The following ZNF341 variants were observed in gnomAD, a reference collection of about 807,000 sequenced individuals.
ZNF341 encodes the protein zinc finger protein 341.
Under a neutral mutation model 87.7 loss-of-function variants are expected in ZNF341, and 52 were observed. That is an observed-to-expected ratio of 0.59 (90% confidence interval 0.47 to 0.75). The LOEUF is 0.75. Ranked by LOEUF, ZNF341 falls within the 30% of genes least tolerant of loss-of-function variation. ZNF341 has a pLI of 0.00. For synonymous variants in ZNF341, 459 were observed against 472.7 expected, an observed-to-expected ratio of 0.97 and a Z score of 0.38; for missense variants, 977 against 1,145.9, an observed-to-expected ratio of 0.85 and a Z score of 2.13.
intron 4 of ZNF341, 23 bp from the exon 5 acceptor site, chr20:33,753,149 C>T (rs749122767): frequency 1.2e-6 from 2 of 1,611,844 alleles, no homozygotes; most frequent in East Asian, 2.2e-5. Context: ...GAGGCTATAA[C>T]ACTTTTTCTT....
chr20:33,738,152 A>G (rs1168950869), intron 1 of ZNF341, among the ~76,000 whole-genome samples: 1 of 148,596 alleles, frequency 6.7e-6, no homozygotes, highest in African/African-American at 2.5e-5. Flanking sequence ...AAAAAAAAAA[A>G]AGTTGGCCAG....
Position 33,732,757 on chromosome 20 carries a change from A to G in ZNF341, c.31+705A>G, listed in dbSNP as rs1213674667. ...GCCGACAGACTGTTCCGTGCTCTGC[A>G]AGAACCTGGGATGGGGTTGGTGCTC... On this transcript the variant is annotated intron_variant, in intron 1 of 14. Coordinates refer to ENST00000375200, the MANE Select transcript of ZNF341 (RefSeq NM_001282933.2). The surrounding 1 kb of genome is among the most constrained non-coding windows in gnomAD (Gnocchi z 4.5). Among the ~76,000 whole-genome samples the G allele has an allele frequency of 6.6e-6, 1 of 152,192 alleles. No individual in the cohort carries two copies. The highest frequency in any genetic ancestry group is 2.4e-5 in the African/African-American group (1 of 41,452).
At position 33,791,586 on chromosome 20, in the gene ZNF341, G is replaced by A; in HGVS notation, c.*69G>A. On this transcript the variant is annotated 3_prime_UTR_variant, in exon 15 of 15. Transcript: ENST00000375200. Reference sequence around the variant, plus strand: ...TTTGGGTCCAGGGCCCCTGGGGGCAGACCGGTGATCCTTACCAGTGGAAGC... The same window carrying A: ...TTTGGGTCCAGGGCCCCTGGGGGCAAACCGGTGATCCTTACCAGTGGAAGC... 2.1e-6 allele frequency: 3 copies of A among 1,444,686 alleles called. No individual in the cohort carries two copies. The highest frequency in any genetic ancestry group is 2.7e-6 in the Non-Finnish European group (3 of 1,097,138). The allele number at this position is 1,444,686 out of a possible 1,614,324, so 89.5% of individuals were successfully genotyped here.
At chr20:33,772,820 G>C (rs2019558098) in intron 10 of ZNF341, among the ~76,000 whole-genome samples, 1 of 152,194 alleles carries the variant, frequency 6.6e-6, no homozygotes, top group Admixed American at 6.5e-5. Context: ...GAAATCACAA[G>C]AGCTCTGAGA....
intron 10 of ZNF341, among the ~76,000 whole-genome samples, chr20:33,774,669 A>G (rs138072820): frequency 1.1e-3 from 166 of 152,274 alleles, no homozygotes; most frequent in African/African-American, 3.8e-3. Context: ...AAACTTTTTC[A>G]CTTAAAACAG....
At chr20:33,747,715 T>C (rs2018963106) in intron 3 of ZNF341, among the ~76,000 whole-genome samples, 1 of 98,928 alleles carries the variant, frequency 1.0e-5, no homozygotes, top group Non-Finnish European at 1.8e-5. Flanking sequence ...TCTCTTACCT[T>C]TTTTTTTTTT....
In ZNF341 at chr20:33,732,272, C is replaced by T. The variant is rs1264589218; in HGVS notation, c.31+220C>T. The stretch of plus-strand genomic sequence containing the variant: ...GAACAGCCGGGGAGAGCCAGGCCGG[C>T]GGGGAGGGGGCTCGGGTCCGGAACA... On this transcript the variant is annotated intron_variant, in intron 1 of 14. Transcript: ENST00000375200. The surrounding 1 kb of genome is among the most constrained non-coding windows in gnomAD (Gnocchi z 4.5). Among the ~76,000 whole-genome samples, 1 of 149,600 alleles carries T rather than the reference C, an allele frequency of 6.7e-6. No individual in the cohort carries two copies. The highest frequency in any genetic ancestry group is 1.5e-5 in the Non-Finnish European group (1 of 67,210).
chr20:33,754,121 G>A (rs986875828), intron 5 of ZNF341, among the ~76,000 whole-genome samples: 1 of 152,158 alleles, frequency 6.6e-6, no homozygotes, highest in African/African-American at 2.4e-5. Context: ...ACTTCTATTG[G>A]CCAAAGCAGA....
chr20:33,780,164 G>A (rs980942840), intron 10 of ZNF341, among the ~76,000 whole-genome samples: 1 of 152,076 alleles, frequency 6.6e-6, no homozygotes, highest in Non-Finnish European at 1.5e-5. Flanking sequence ...GGCACTGCCT[G>A]GGGAAGACTT....
At chr20:33,762,203 A>G in intron 8 of ZNF341, 148 bp downstream of exon 8, 1 of 635,122 alleles carries the variant, frequency 1.6e-6, no homozygotes, top group Admixed American at 3.6e-5. Flanking sequence ...ATAAGATGAA[A>G]GGAAGGATGA....
At chr20:33,752,387 G>A in intron 4 of ZNF341, 1 of 628,386 alleles carries the variant, frequency 1.6e-6, no homozygotes, top group African/African-American at 1.8e-5. Context: ...CTCCTTCATG[G>A]CAAGTTTCCG....
intron 4 of ZNF341, chr20:33,752,079 TC>T (rs1240761447): frequency 2.5e-6 from 1 of 393,612 alleles, no homozygotes; most frequent in Admixed American, 3.5e-5. Context: ...GATTCTCAGA[TC>T]CCAGTCACGA....
At chr20:33,780,408 T>C (rs1344568166) in intron 10 of ZNF341, among the ~76,000 whole-genome samples, 2 of 151,566 alleles carry the variant, frequency 1.3e-5, no homozygotes, top group Admixed American at 1.3e-4. Context: ...ACTTACTTTT[T>C]TTTTTTGTTT....
chr20:33,785,922 G>GC lies in ZNF341; in HGVS notation c.1852+2066dup, dbSNP rs370224728. Among the ~76,000 whole-genome samples, 678 of 150,564 alleles carry GC rather than the reference G, an allele frequency of 4.5e-3. 4 individuals are homozygous for GC. The highest frequency in any genetic ancestry group is 0.014 in the African/African-American group (560 of 40,936). On this transcript the variant is annotated intron_variant, in intron 12 of 14. Coordinates refer to ENST00000375200, the MANE Select transcript of ZNF341 (RefSeq NM_001282933.2). ...AATTCTGTGGGTCCCCCTCCCCCGG[G>GC]CCCCCCCCAGAAGTTGTTACCAACA...
rs965899442 is a variant in ZNF341, at chr20:33,758,949, G to C, written c.1028+143G>C. 28 of 699,238 alleles carry C rather than the reference G, an allele frequency of 4.0e-5. 1 individual carries two copies. The South Asian group carries it at 4.7e-4, about 12-fold the overall frequency. The allele number at this position is 699,238 out of a possible 1,614,324, so 43.3% of individuals were successfully genotyped here. On this transcript the variant is annotated intron_variant, in intron 7 of 14. Transcript: ENST00000375200. ...ATGTTCAGGCTGTAGTCCAGGTCGG[G>C]TGGTTTTCCCTCTTCTATCTCAGAG...
chr20:33,759,081 C>G (rs758883753), intron 7 of ZNF341, among the ~76,000 whole-genome samples: 15 of 152,086 alleles, frequency 9.9e-5, no homozygotes, highest in African/African-American at 2.7e-4. Context: ...AGGGGTTTCA[C>G]AGATGTGTTA....
chr20:33,750,936 TG>T (rs2019042314), intron 4 of ZNF341, among the ~76,000 whole-genome samples: 1 of 152,080 alleles, frequency 6.6e-6, no homozygotes, highest in African/African-American at 2.4e-5. Context: ...CCACCGTGCC[TG>T]GCCTAAAAAA....
chr20:33,759,092 G>T (rs1037415621), intron 7 of ZNF341, among the ~76,000 whole-genome samples: 7 of 152,198 alleles, frequency 4.6e-5, no homozygotes, highest in African/African-American at 1.7e-4. Flanking sequence ...AGATGTGTTA[G>T]TGCTGTCTTA....
chr20:33,765,016 C>T (rs1190627163), intron 8 of ZNF341, among the ~76,000 whole-genome samples: 1 of 151,728 alleles, frequency 6.6e-6, no homozygotes, highest in East Asian at 1.9e-4. Context: ...TTTGTAGAGA[C>T]AGGGTCTTGC....
Sources: gnomAD v4.1 joint callset for allele counts (sites outside exome capture counted in the v4.1 genomes callset) on GRCh38, gnomAD v4.1.1 for gene constraint, Gnocchi (gnomAD v3.1) non-coding constraint, MANE v1.5 for transcripts, NCBI Gene and HGNC (gene_info 2026-07-23, HGNC 2026-07-21) for gene names.